ADAMTS4: variants seen among roughly 807,000 people sequenced by gnomAD.
ADAMTS4 encodes the protein ADAM metallopeptidase with thrombospondin type 1 motif 4, also known as A disintegrin and metalloproteinase with thrombospondin motifs 4.
A neutral mutation model predicts 66.7 loss-of-function variants in ADAMTS4; 38 were observed. That is an observed-to-expected ratio of 0.57 (90% confidence interval 0.44 to 0.75). The LOEUF (loss-of-function observed/expected upper bound fraction) is 0.75. Ranked by LOEUF, ADAMTS4 falls within the 30% of genes least tolerant of loss-of-function variation. The probability of loss-of-function intolerance (pLI) is 0.00; values close to 1 mark genes in which losing one functional copy is unlikely to be tolerated. For synonymous variants in ADAMTS4, 418 were observed against 461.5 expected (o/e 0.91, Z 1.21); for missense variants, 1,014 against 1,116.7 (o/e 0.91, Z 1.31).
Position 161,195,586 on chromosome 1 carries a change from C to A in ADAMTS4, c.1140G>T (p.Leu380Phe). Residue 380 changes from leucine to phenylalanine, a missense_variant, in exon 4 of 9, where the codon TTG becomes TTT. Coordinates refer to ENST00000367996, the MANE Select transcript of ADAMTS4 (RefSeq NM_005099.6). ...LHDNSKPCIS[L>F]NGPLSTSRHV... ...GGCGAGAGGTGCTCAAAGGCCCATT[C>A]AAACTGATGCATGGCTTGGAGTTGT... 1 of 1,613,926 alleles carries A rather than the reference C, an allele frequency of 6.2e-7. No individual in the cohort carries two copies. The highest frequency in any genetic ancestry group is 1.7e-4 in the Middle Eastern group (1 of 6,056).
rs903639740 is a variant in ADAMTS4 at position 161,184,656 on chromosome 1, C to G, written c.*6482G>C. The G allele has an allele frequency of 6.6e-6, 1 of 152,146 alleles. No individual in the cohort carries two copies. The highest frequency in any genetic ancestry group is 1.5e-5 in the Non-Finnish European group (1 of 68,026). The allele number at this position is 152,146 out of a possible 1,614,324, so 9.4% of individuals were successfully genotyped here. A position where few individuals can be genotyped will look rare whatever the true frequency, so the allele number is the denominator to read the frequency against. On this transcript the variant is annotated 3_prime_UTR_variant, in exon 9 of 9. Transcript: ENST00000367996. ...AGGTCAATTAATATCTTTTACTCTT[C>G]AGATCCATTTTCAGGTGAAAATTCT...
Position 161,198,619 on chromosome 1 carries a change from C to A in ADAMTS4, c.9G>T (p.Gln3His). 1.3e-6 allele frequency: 2 copies of A among 1,523,044 alleles called. No homozygotes were observed. The highest frequency in any genetic ancestry group is 2.4e-5 in the East Asian group (1 of 42,174). 94.3% of individuals were successfully genotyped at this position (1,523,044 alleles called of 1,614,324 possible). The change falls in exon 1 of 9, where the codon CAG becomes CAT. Residue 3 changes from glutamine to histidine, a missense_variant. Gln to His is a conservative substitution (Grantham distance 24, BLOSUM62 0). Transcript: ENST00000367996. This position sits in a 1 kb window ranked among gnomAD's most constrained non-coding sequence, Gnocchi z 4.7. MSQTGSHPGRGLA... is the reference protein window; with the variant it reads MSHTGSHPGRGLA... ...AGCCCCTCCCGGGATGCGAGCCTGT[C>A]TGGGACATGGCACTGGTACTGCAGC...
chr1:161,192,585 AC>A (rs1664709472), intron 7 of ADAMTS4, among the ~76,000 whole-genome samples: 1 of 152,098 alleles, frequency 6.6e-6, no homozygotes. Flanking sequence ...TCCAAAAGCC[AC>A]ACAAATGGCA....
At position 161,193,729 on chromosome 1, in the gene ADAMTS4, C is replaced by A; in HGVS notation, c.1646G>T (p.Arg549Met). The change falls in exon 6 of 9, where the codon AGG becomes ATG. Residue 549 changes from arginine to methionine, a missense_variant. Transcript: ENST00000367996. The surrounding 1 kb of genome is among the most constrained non-coding windows in gnomAD (Gnocchi z 4.4). ...CTTGCCACCATTCCGGGGGACAGGC[C>A]TCGTGCAGTCTCGGGAGGAGAACTG... ...GVQFSSRDCT[R>M]PVPRNGGKYC... 1 of 1,614,134 alleles carries A rather than the reference C, an allele frequency of 6.2e-7. No individual in the cohort carries two copies. Among genetic ancestry groups the A allele is most frequent in the African/African-American group, 1.3e-5 (1 of 75,032 alleles).
chr1:161,191,240 C>T lies in ADAMTS4; in HGVS notation c.2412G>A (p.Arg804=), dbSNP rs770089604. Residue 804 remains arginine (R), a synonymous_variant, in exon 9 of 9, where the codon CGG becomes CGA. Transcript: ENST00000367996. Reference sequence around the variant, plus strand: ...TGGGGCGTGGCGTTGAAGGGGTCGGCCGGGGCACGAAGAAGCTGTATCGGA... The same window carrying T: ...TGGGGCGTGGCGTTGAAGGGGTCGGTCGGGGCACGAAGAAGCTGTATCGGA... ...TRLRYSFFVP[R]PTPSTPRPTP... is the part of the protein sequence containing the mutation. The T allele has an allele frequency of 8.1e-6, 13 of 1,613,468 alleles. No individual in the cohort carries two copies. Among genetic ancestry groups the T allele is most frequent in the Non-Finnish European group, 1.1e-5 (13 of 1,179,794 alleles).
rs563217973 is a variant in ADAMTS4 at position 161,195,598 on chromosome 1, T to C, written c.1128A>G (p.Pro376=). The C allele has an allele frequency of 2.5e-6, 4 of 1,613,750 alleles. No individual in the cohort carries two copies. The South Asian group carries it at 4.4e-5, about 18-fold the overall frequency. The change falls in exon 4 of 9, where the codon CCA becomes CCG. Residue 376 remains proline, a synonymous_variant. Transcript: ENST00000367996. ...TCAAAGGCCCATTCAAACTGATGCA[T>C]GGCTTGGAGTTGTCATGGAGCATGT... The part of the protein sequence containing the change: ...VFNMLHDNSK[P]CISLNGPLST...
rs200466524 is a variant in ADAMTS4, at chr1:161,191,135, A to T, written c.*3T>A. On this transcript the variant is annotated 3_prime_UTR_variant, in exon 9 of 9. Coordinates refer to ENST00000367996, the MANE Select transcript of ADAMTS4 (RefSeq NM_005099.6). ...CCCAGAAAGGGCAGCCGGGATAGTG[A>T]GGTTATTTCCTGCCCGCCCAGGGGC... 7.5e-5 allele frequency: 115 copies of T among 1,537,014 alleles called. 1 individual carries two copies. The highest frequency in any genetic ancestry group is 9.6e-5 in the Non-Finnish European group (109 of 1,139,424).
At position 161,187,034 on chromosome 1, in the gene ADAMTS4, G is replaced by A. The variant is rs1558071078; in HGVS notation, c.*4104C>T. ...AAGTGTATCTCCATGAACATTAAAG[G>A]AAAGTGAGAAGGGCTATCATGATGA... is the stretch of plus-strand genomic sequence containing the variant. On this transcript the variant is annotated 3_prime_UTR_variant, in exon 9 of 9. Coordinates refer to ENST00000367996, the MANE Select transcript of ADAMTS4 (RefSeq NM_005099.6). 6.6e-6 allele frequency: 1 copy of A among 152,088 alleles called. No individual in the cohort carries two copies. The highest frequency in any genetic ancestry group is 2.4e-5 in the African/African-American group (1 of 41,396). 9.4% of individuals were successfully genotyped at this position (152,088 alleles called of 1,614,324 possible).
rs1268269092 is a variant in ADAMTS4, at chr1:161,198,232, G to A, written c.396C>T (p.Ile132=). ...AEPGTYLTGT[I]NGDPESVASL... is the part of the protein sequence containing the mutation. The stretch of plus-strand genomic sequence containing the variant: ...ATGCCACCGACTCCGGATCTCCATT[G>A]ATGGTGCCAGTCAGGTAGGTGCCAG... Residue 132 remains isoleucine (I), a synonymous_variant, in exon 1 of 9, where the codon ATC becomes ATT. Coordinates refer to ENST00000367996, the MANE Select transcript of ADAMTS4 (RefSeq NM_005099.6). This position sits in a 1 kb window ranked among gnomAD's most constrained non-coding sequence, Gnocchi z 4.7. The A allele has an allele frequency of 1.9e-6, 3 of 1,614,104 alleles. No homozygotes were observed. In the South Asian group the frequency reaches 3.3e-5, roughly 18 times the overall value.
Position 161,191,527 on chromosome 1 carries a change from C to T in ADAMTS4, c.2125G>A (p.Ala709Thr). 1.9e-6 allele frequency: 3 copies of T among 1,613,534 alleles called. No homozygotes were observed. The highest frequency in any genetic ancestry group is 2.5e-6 in the Non-Finnish European group (3 of 1,179,658). Residue 709 changes from alanine to threonine, a missense_variant, in exon 9 of 9, where the codon GCC becomes ACC. By Grantham distance (58) the Ala-to-Thr change is moderately conservative. Transcript: ENST00000367996. ...TGCTGCCGGACAAGAATGTGGGTGGCCCCCGCGGGGATAGTGACCACATTG... is the reference window on the plus strand; with the variant it reads ...TGCTGCCGGACAAGAATGTGGGTGGTCCCCGCGGGGATAGTGACCACATTG... ...YNNVVTIPAGATHILVRQQGN... is the reference protein window; with the variant it reads ...YNNVVTIPAGTTHILVRQQGN...
At chr1:161,192,939 T>C (rs1664715922) in intron 7 of ADAMTS4, among the ~76,000 whole-genome samples, 1 of 152,118 alleles carries the variant, frequency 6.6e-6, no homozygotes, top group African/African-American at 2.4e-5. Context: ...ACACATTCGA[T>C]TCTCACCAAA....
chr1:161,191,537 G>T lies in ADAMTS4; in HGVS notation c.2115C>A (p.Ile705=). The T allele has an allele frequency of 6.2e-7, 1 of 1,613,062 alleles. No individual in the cohort carries two copies. The highest frequency in any genetic ancestry group is 8.5e-7 in the Non-Finnish European group (1 of 1,179,356). ...CAAGAATGTGGGTGGCCCCCGCGGG[G>T]ATAGTGACCACATTGTTGTATCCGT... ...FRYGYNNVVT[I]PAGATHILVR... Residue 705 remains isoleucine (I), a synonymous_variant, in exon 9 of 9, where the codon ATC becomes ATA. Transcript: ENST00000367996.
rs1664504968 is a variant in ADAMTS4, at chr1:161,184,696, C to T, written c.*6442G>A. The T allele has an allele frequency of 2.0e-5, 3 of 152,104 alleles. No homozygotes were observed. The highest frequency in any genetic ancestry group is 2.0e-4 in the Admixed American group (3 of 15,276). 9.4% of individuals were successfully genotyped at this position (152,104 alleles called of 1,614,324 possible). Reference sequence around the variant, plus strand: ...GTGAAAATTCTTACATTTTCCGCTCCCTACTACTTATTTGCATCTATATTA... The same window carrying T: ...GTGAAAATTCTTACATTTTCCGCTCTCTACTACTTATTTGCATCTATATTA... On this transcript the variant is annotated 3_prime_UTR_variant, in exon 9 of 9. Transcript: ENST00000367996.
intron 1 of ADAMTS4, chr1:161,197,268 T>C: frequency 5.2e-6 from 1 of 190,484 alleles, no homozygotes; most frequent in Admixed American, 5.6e-5. Flanking sequence ...GTGTCTGCCC[T>C]GTGTGGTTGG....
In ADAMTS4 at chr1:161,193,215, G is replaced by A. The variant is rs760064255; in HGVS notation, c.1909C>T (p.Arg637Trp). The A allele has an allele frequency of 5.0e-6, 8 of 1,611,778 alleles. No individual in the cohort carries two copies. Among genetic ancestry groups the A allele is most frequent in the Middle Eastern group, 1.7e-4 (1 of 5,886 alleles). ...CCTGGGGGTGTCCTGACCCTCACCC[G>A]TGGCTCCAGCACATAGTAGTAGCCC... ...ALGYYYVLEP[R>W]VVDGTPCSPD... is the part of the protein sequence containing the mutation. The change falls in exon 7 of 9, where the codon CGG becomes TGG. Residue 637 changes from arginine (R) to tryptophan (W), a missense_variant and splice_region_variant. Coordinates refer to ENST00000367996, the MANE Select transcript of ADAMTS4 (RefSeq NM_005099.6). This position sits in a 1 kb window ranked among gnomAD's most constrained non-coding sequence, Gnocchi z 4.4.
chr1:161,198,429 G>A lies in ADAMTS4; in HGVS notation c.199C>T (p.Leu67Phe), dbSNP rs1350028451. Reference protein sequence around the residue: ...REEEIVFPEKLNGSVLPGSGA... With the variant: ...REEEIVFPEKFNGSVLPGSGA... ...GAGCCAGGCAGGACGCTGCCGTTGAGCTTCTCTGGAAACACGATCTCCTCC... is the reference window on the plus strand; with the variant it reads ...GAGCCAGGCAGGACGCTGCCGTTGAACTTCTCTGGAAACACGATCTCCTCC... The change falls in exon 1 of 9, where the codon CTC becomes TTC. Residue 67 changes from leucine (L) to phenylalanine (F), a missense_variant. Transcript: ENST00000367996. This position sits in a 1 kb window ranked among gnomAD's most constrained non-coding sequence, Gnocchi z 4.7. The A allele has an allele frequency of 6.3e-7, 1 of 1,594,412 alleles. No individual in the cohort carries two copies. The highest frequency in any genetic ancestry group is 1.1e-5 in the South Asian group (1 of 88,912).
rs920171746 is a variant in ADAMTS4 at position 161,194,429 on chromosome 1, G to T, written c.1262-208C>A. The stretch of plus-strand genomic sequence containing the variant: ...TCCTGAGACAGAGTCTTGCTCTGTC[G>T]CTCAGGCTGCAGTACAGTGGCATGA... On this transcript the variant is annotated intron_variant, in intron 4 of 8. Transcript: ENST00000367996. The surrounding 1 kb of genome is among the most constrained non-coding windows in gnomAD (Gnocchi z 4.1). Among the ~76,000 whole-genome samples the T allele has an allele frequency of 6.8e-6, 1 of 147,832 alleles. No individual in the cohort carries two copies. The highest frequency in any genetic ancestry group is 1.5e-5 in the Non-Finnish European group (1 of 67,246).
rs1364399757 is a variant in ADAMTS4, at chr1:161,198,561, A to G, written c.67T>C (p.Cys23Arg). 1.7e-5 allele frequency: 27 copies of G among 1,559,512 alleles called. No homozygotes were observed. ...AGRWLWGAQP[C>R]LLLPIVPLSW... ...AGCGGCACAATGGGGAGCAGGAGGC[A>G]GGGTTGGGCTCCCCACAGCCAGCGC... is the stretch of plus-strand genomic sequence containing the variant. The change falls in exon 1 of 9, where the codon TGC becomes CGC. Residue 23 changes from cysteine (C) to arginine (R), a missense_variant. Cys to Arg is a radical substitution (Grantham distance 180). Coordinates refer to ENST00000367996, the MANE Select transcript of ADAMTS4 (RefSeq NM_005099.6). The surrounding 1 kb of genome is among the most constrained non-coding windows in gnomAD (Gnocchi z 4.7).
rs1664996500 is a variant in ADAMTS4 at position 161,198,956 on chromosome 1, C to G, written c.-329G>C. 3.5e-6 allele frequency: 1 copy of G among 289,692 alleles called. No homozygotes were observed. The allele number at this position is 289,692 out of a possible 1,614,324, so 17.9% of individuals were successfully genotyped here. A position where few individuals can be genotyped will look rare whatever the true frequency, so the allele number is the denominator to read the frequency against. On this transcript the variant is annotated 5_prime_UTR_variant, in exon 1 of 9. Transcript: ENST00000367996. The surrounding 1 kb of genome is among the most constrained non-coding windows in gnomAD (Gnocchi z 4.7). ...CTGTCTGGGCCGCTTCTGTGCCTGC[C>G]CTGTCTCTGCCTTCTTCCGCTGTGC...
Sources: gnomAD v4.1 joint callset for allele counts (sites outside exome capture counted in the v4.1 genomes callset) on GRCh38, gnomAD v4.1.1 for gene constraint, Gnocchi (gnomAD v3.1) non-coding constraint, MANE v1.5 for transcripts, NCBI Gene and HGNC (gene_info 2026-07-23, HGNC 2026-07-21) for gene names.